The following CAMK4 variants were observed in gnomAD, a reference collection of about 807,000 sequenced individuals.
The protein encoded by CAMK4 is calcium/calmodulin dependent protein kinase IV.
In CAMK4, 22 loss-of-function variants were observed where a neutral mutation model predicts 44.9. The observed-to-expected ratio is 0.49, with a 90% CI of 0.35 to 0.70. The LOEUF (loss-of-function observed/expected upper bound fraction) is 0.70, where lower values mean the gene tolerates loss of function less well. Among genes scored for constraint, CAMK4 ranks in the 30% least tolerant of loss-of-function variants. The pLI is 0.01. For synonymous variants in CAMK4, 218 were observed against 215.4 expected (o/e 1.01, Z -0.11); for missense variants, 498 against 586.8 (o/e 0.85, Z 1.56).
At chr5:111,308,017 G>A (rs1298180068) in intron 1 of CAMK4, among the ~76,000 whole-genome samples, 146 of 95,854 alleles carry the variant, frequency 1.5e-3, no homozygotes, top group Non-Finnish European at 2.0e-3. Flanking sequence ...ACCAAACACC[G>A]CATATTCTCA....
intron 5 of CAMK4, among the ~76,000 whole-genome samples, chr5:111,403,559 T>C (rs1362389404): frequency 6.6e-6 from 1 of 152,184 alleles, no homozygotes. Flanking sequence ...ATATTAAGAA[T>C]TGAGAGATCA....
intron 1 of CAMK4, among the ~76,000 whole-genome samples, chr5:111,278,325 A>T (rs1434752393): frequency 6.6e-6 from 1 of 152,222 alleles, no homozygotes; most frequent in African/African-American, 2.4e-5. Context: ...GTTGCATTTC[A>T]CAGATTTATG....
chr5:111,467,961 CA>C (rs1754905929), intron 7 of CAMK4, among the ~76,000 whole-genome samples: 1 of 151,772 alleles, frequency 6.6e-6, no homozygotes, highest in African/African-American at 2.4e-5. Flanking sequence ...CACACACACA[CA>C]CACACACACC....
chr5:111,360,520 T>A (rs957863033), intron 2 of CAMK4, among the ~76,000 whole-genome samples: 1 of 151,998 alleles, frequency 6.6e-6, no homozygotes, highest in Non-Finnish European at 1.5e-5. Flanking sequence ...GGCCACCATA[T>A]CCTTTGAAAC....
intron 1 of CAMK4, among the ~76,000 whole-genome samples, chr5:111,257,880 C>A (rs1749808057): frequency 6.6e-6 from 1 of 152,160 alleles, no homozygotes; most frequent in African/African-American, 2.4e-5. Context: ...TTATCCTAAG[C>A]AAACTAACAC....
chr5:111,318,996 G>A (rs934668067), intron 1 of CAMK4, among the ~76,000 whole-genome samples: 27 of 151,876 alleles, frequency 1.8e-4, no homozygotes, highest in Non-Finnish European at 2.8e-4. Flanking sequence ...GAGGATTTAA[G>A]ACATTGTTAT....
chr5:111,374,097 A>T (rs529632660), intron 2 of CAMK4, among the ~76,000 whole-genome samples: 44 of 152,266 alleles, frequency 2.9e-4, no homozygotes, highest in African/African-American at 9.9e-4. Context: ...AGAAAAAGGA[A>T]ATGTAGTGGC....
chr5:111,292,821 C>T (rs1307794715), intron 1 of CAMK4, among the ~76,000 whole-genome samples: 2 of 151,920 alleles, frequency 1.3e-5, no homozygotes, highest in Admixed American at 1.3e-4. Context: ...GTTCTAGCTA[C>T]TTGGGAGGCT....
intron 4 of CAMK4, among the ~76,000 whole-genome samples, chr5:111,393,727 G>C (rs1184183784): frequency 1.3e-5 from 2 of 152,040 alleles, no homozygotes. Flanking sequence ...GTGGAGGTTG[G>C]GAGGAAGGAG....
chr5:111,276,479 C>G (rs1348136685), intron 1 of CAMK4, among the ~76,000 whole-genome samples: 1 of 152,188 alleles, frequency 6.6e-6, no homozygotes, highest in East Asian at 1.9e-4. Flanking sequence ...GTAGTCCCAG[C>G]TACTGGGGAG....
chr5:111,257,156 C>T (rs570391218), intron 1 of CAMK4, among the ~76,000 whole-genome samples: 61 of 152,226 alleles, frequency 4.0e-4, no homozygotes, highest in Non-Finnish European at 6.3e-4. Flanking sequence ...CAAATGGGAT[C>T]TAATTAAACT....
At chr5:111,402,201 A>T (rs1752253329) in intron 5 of CAMK4, among the ~76,000 whole-genome samples, 1 of 152,214 alleles carries the variant, frequency 6.6e-6, no homozygotes, top group Admixed American at 6.5e-5. Context: ...GGCAGATCCA[A>T]ATGGAGAGCC....
intron 1 of CAMK4, among the ~76,000 whole-genome samples, chr5:111,241,314 T>C (rs1045038359): frequency 7.2e-5 from 11 of 152,182 alleles, no homozygotes; most frequent in African/African-American, 2.2e-4. Flanking sequence ...TGAGCAATAC[T>C]GGACAAGTAT....
At chr5:111,405,231 A>G (rs1422752786) in intron 5 of CAMK4, among the ~76,000 whole-genome samples, 1 of 152,218 alleles carries the variant, frequency 6.6e-6, no homozygotes, top group Non-Finnish European at 1.5e-5. Flanking sequence ...GCACTTTGGG[A>G]GGCCAAGGCG....
intron 5 of CAMK4, among the ~76,000 whole-genome samples, chr5:111,441,746 T>C (rs1268971898): frequency 6.6e-6 from 1 of 152,248 alleles, no homozygotes; most frequent in Admixed American, 6.5e-5. Flanking sequence ...CTAGTGCATT[T>C]ATCTATTTAT....
chr5:111,349,928 A>C (rs1462398003), intron 2 of CAMK4, among the ~76,000 whole-genome samples: 1 of 152,054 alleles, frequency 6.6e-6, no homozygotes, highest in Non-Finnish European at 1.5e-5. Flanking sequence ...TATAAAATAC[A>C]TGCCTCTCAT....
chr5:111,340,591 A>G (rs1329821157), intron 1 of CAMK4, among the ~76,000 whole-genome samples: 5 of 151,458 alleles, frequency 3.3e-5, no homozygotes, highest in South Asian at 4.2e-4. Flanking sequence ...GAGCCTTTCA[A>G]TGTGCTGCTG....
intron 5 of CAMK4, among the ~76,000 whole-genome samples, chr5:111,422,700 C>A (rs953430312): frequency 4.6e-5 from 7 of 152,158 alleles, no homozygotes; most frequent in African/African-American, 1.7e-4. Context: ...AATCAAAGGT[C>A]CTACCCTCTC....
At chr5:111,480,412 C>G (rs1160790948) in intron 9 of CAMK4, among the ~76,000 whole-genome samples, 1 of 152,064 alleles carries the variant, frequency 6.6e-6, no homozygotes, top group East Asian at 1.9e-4. Context: ...TCTTCCTTTA[C>G]CCCCTGCACT....
Sources: allele counts gnomAD v4.1 joint callset (sites outside exome capture counted in the v4.1 genomes callset), GRCh38; gene constraint gnomAD v4.1.1; transcripts MANE v1.5; gene names NCBI Gene and HGNC (gene_info 2026-07-23, HGNC 2026-07-21).